The following SOX5 variants were observed in gnomAD, a reference collection of about 807,000 sequenced individuals.
SOX5 encodes SRY-box transcription factor 5.
A neutral mutation model predicts 92.0 loss-of-function variants in SOX5; 9 were observed. That is an observed-to-expected ratio of 0.10 (90% CI 0.06 to 0.17). The LOEUF is 0.17. SOX5 is among the 10% of genes least tolerant of loss of function. The pLI is 1.00. For missense variants in SOX5, 642 were observed against 944.5 expected (o/e 0.68, Z 4.20); for synonymous variants, 344 against 336.3 (o/e 1.02, Z -0.25).
At chr12:24,164,627 C>A (rs1953171568) in intron 4 of SOX5, among the ~76,000 whole-genome samples, 1 of 152,036 alleles carries the variant, frequency 6.6e-6, no homozygotes, top group Non-Finnish European at 1.5e-5. Context: ...AGCTAATTAT[C>A]AAGTCACTAC....
chr12:23,874,893 T>C (rs1302648110), intron 2 of SOX5, among the ~76,000 whole-genome samples: 1 of 152,132 alleles, frequency 6.6e-6, no homozygotes, highest in East Asian at 1.9e-4. Flanking sequence ...CTGAGTACCA[T>C]AGAAGAAGGG....
chr12:24,060,872 A>G (rs565980703), intron 4 of SOX5, among the ~76,000 whole-genome samples: 10 of 152,344 alleles, frequency 6.6e-5, no homozygotes, highest in African/African-American at 2.4e-4. Flanking sequence ...GAAAGACGAG[A>G]GACGATGACA....
chr12:24,028,480 C>G (rs1955126936), intron 4 of SOX5, among the ~76,000 whole-genome samples: 1 of 151,838 alleles, frequency 6.6e-6, no homozygotes, highest in Non-Finnish European at 1.5e-5. Context: ...ATTGATTGTC[C>G]CATAAGGAGA....
intron 4 of SOX5, among the ~76,000 whole-genome samples, chr12:24,173,229 A>G (rs1954400495): frequency 6.6e-6 from 1 of 152,244 alleles, no homozygotes; most frequent in African/African-American, 2.4e-5. Flanking sequence ...CTGACAGCCT[A>G]ATAGCATGAA....
chr12:23,587,746 C>A (rs1950949906), intron 9 of SOX5, among the ~76,000 whole-genome samples: 1 of 152,006 alleles, frequency 6.6e-6, no homozygotes, highest in Admixed American at 6.6e-5. Context: ...TTTATATAGA[C>A]CTATTTGCCT....
At chr12:24,136,663 G>T (rs541496291) in intron 4 of SOX5, among the ~76,000 whole-genome samples, 2 of 152,248 alleles carry the variant, frequency 1.3e-5, no homozygotes, top group African/African-American at 4.8e-5. Flanking sequence ...GCTGATCAAG[G>T]CATCTTTCAG....
chr12:24,057,344 T>C (rs1307788059), intron 4 of SOX5, among the ~76,000 whole-genome samples: 1 of 152,194 alleles, frequency 6.6e-6, no homozygotes, highest in East Asian at 1.9e-4. Context: ...ACAACATAAC[T>C]GAAGCACAGC....
chr12:23,737,854 C>G (rs1485621842), intron 5 of SOX5, among the ~76,000 whole-genome samples: 1 of 152,224 alleles, frequency 6.6e-6, no homozygotes, highest in East Asian at 1.9e-4. Context: ...ACACTTCCTA[C>G]AGGTTTCTGC....
intron 4 of SOX5, among the ~76,000 whole-genome samples, chr12:24,169,576 G>T (rs1175562825): frequency 6.6e-6 from 1 of 152,080 alleles, no homozygotes; most frequent in East Asian, 1.9e-4. Context: ...AATGTGTTTT[G>T]GTTCCTGTCC....
chr12:24,306,725 C>T (rs992482263), intron 2 of SOX5, among the ~76,000 whole-genome samples: 4 of 152,096 alleles, frequency 2.6e-5, no homozygotes, highest in Non-Finnish European at 5.9e-5. Flanking sequence ...GGGGCAAAAA[C>T]ATCCTTTTGG....
intron 9 of SOX5, among the ~76,000 whole-genome samples, chr12:23,598,135 T>G (rs542544446): frequency 6.6e-6 from 1 of 152,298 alleles, no homozygotes; most frequent in South Asian, 2.1e-4. Context: ...TTTGAGATTT[T>G]GACCTGAAAA....
chr12:23,718,843 T>C (rs2092655710), intron 6 of SOX5, among the ~76,000 whole-genome samples: 1 of 152,110 alleles, frequency 6.6e-6, no homozygotes, highest in East Asian at 1.9e-4. Context: ...TAGGAGAACA[T>C]CAATTCCAAA....
At chr12:24,546,061 C>T (rs1952593990) in intron 1 of SOX5, among the ~76,000 whole-genome samples, 1 of 152,184 alleles carries the variant, frequency 6.6e-6, no homozygotes, top group South Asian at 2.1e-4. Flanking sequence ...GAAACTCTGA[C>T]ATGACTGTTA....
At chr12:24,256,440 T>C (rs1285973455) in intron 3 of SOX5, among the ~76,000 whole-genome samples, 1 of 152,204 alleles carries the variant, frequency 6.6e-6, no homozygotes, top group Non-Finnish European at 1.5e-5. Flanking sequence ...GGCTTGCCCT[T>C]TGATATGGAA....
intron 4 of SOX5, among the ~76,000 whole-genome samples, chr12:24,107,582 G>T (rs1946833937): frequency 6.6e-6 from 1 of 152,148 alleles, no homozygotes; most frequent in Admixed American, 6.6e-5. Flanking sequence ...CAGCCTTAGT[G>T]TTTCATTGGT....
intron 3 of SOX5, among the ~76,000 whole-genome samples, chr12:23,806,086 C>T (rs1462688322): frequency 6.6e-6 from 1 of 152,080 alleles, no homozygotes; most frequent in Non-Finnish European, 1.5e-5. Flanking sequence ...TTAAAAGTGG[C>T]AATTCCTCTC....
At chr12:24,529,021 A>T (rs1950948087) in intron 1 of SOX5, among the ~76,000 whole-genome samples, 1 of 152,226 alleles carries the variant, frequency 6.6e-6, no homozygotes, top group East Asian at 1.9e-4. Flanking sequence ...TGAAATATGT[A>T]TCACTGTGTC....
chr12:23,558,746 G>T (rs1945677136), intron 11 of SOX5, among the ~76,000 whole-genome samples: 1 of 152,180 alleles, frequency 6.6e-6, no homozygotes, highest in East Asian at 1.9e-4. Context: ...GGGATTACAG[G>T]CTTGCGCCAC....
intron 6 of SOX5, among the ~76,000 whole-genome samples, chr12:23,716,265 T>C (rs1327883114): frequency 6.6e-6 from 1 of 152,190 alleles, no homozygotes; most frequent in East Asian, 1.9e-4. Context: ...TACTGAAAGC[T>C]AGCATTCATT....
Sources: allele counts gnomAD v4.1 joint callset (sites outside exome capture counted in the v4.1 genomes callset), GRCh38; gene constraint gnomAD v4.1.1; transcripts MANE v1.5; gene names NCBI Gene and HGNC (gene_info 2026-07-23, HGNC 2026-07-21).